SPOPL: variants seen among roughly 807,000 people sequenced by gnomAD.
SPOPL encodes speckle type BTB/POZ protein like.
In SPOPL, 23 loss-of-function variants were observed where a neutral mutation model predicts 53.8. The ratio of observed to expected loss-of-function variants is 0.43; its 90% CI spans 0.31 to 0.61. The LOEUF is 0.61. SPOPL is among the 20% of genes least tolerant of loss of function. The pLI is 0.12. For synonymous variants in SPOPL, 164 were observed against 149.7 expected (o/e 1.10, Z -0.70); for missense variants, 442 against 466.9 (o/e 0.95, Z 0.49).
At chr2:138,520,702 A>G (rs1684537496) in intron 1 of SPOPL, among the ~76,000 whole-genome samples, 1 of 152,164 alleles carries the variant, frequency 6.6e-6, no homozygotes, top group Non-Finnish European at 1.5e-5. Context: ...AGAGTGAACA[A>G]ATGAATGAAT....
chr2:138,534,584 G>A (rs1253849103), intron 1 of SPOPL, among the ~76,000 whole-genome samples: 1 of 152,064 alleles, frequency 6.6e-6, no homozygotes, highest in Non-Finnish European at 1.5e-5. Flanking sequence ...TCTATGTGCA[G>A]GTATTTTTTT....
Position 138,552,693 on chromosome 2 carries a change from T to G in SPOPL, c.480+12T>G. 1 of 1,606,298 alleles carries G rather than the reference T, an allele frequency of 6.2e-7. No individual in the cohort carries two copies. The highest frequency in any genetic ancestry group is 8.5e-7 in the Non-Finnish European group (1 of 1,177,244). Reference sequence around the variant, plus strand: ...CATTATTTTGTGAGGTGGGTACATCTTTTATTCTAAGAACCCCATGGTTTA... The same window carrying G: ...CATTATTTTGTGAGGTGGGTACATCGTTTATTCTAAGAACCCCATGGTTTA... On this transcript the variant is annotated intron_variant, in intron 5 of 10. Transcript: ENST00000280098.
chr2:138,527,283 GT>G (rs536279873), intron 1 of SPOPL, among the ~76,000 whole-genome samples: 65 of 152,048 alleles, frequency 4.3e-4, no homozygotes, highest in Admixed American at 2.7e-3. Context: ...ATAATCTTGT[GT>G]TTTTCTCTTT....
In SPOPL at chr2:138,570,896, C is replaced by A. The variant is rs1685766259; in HGVS notation, c.*1816C>A. On this transcript the variant is annotated 3_prime_UTR_variant, in exon 11 of 11. Transcript: ENST00000280098. Reference sequence around the variant, plus strand: ...AAAAGATCGTATTTTCACCTGTCTTCATTACTTTCTATGTAGTTTCATTCT... The same window carrying A: ...AAAAGATCGTATTTTCACCTGTCTTAATTACTTTCTATGTAGTTTCATTCT... 1 of 152,084 alleles carries A rather than the reference C, an allele frequency of 6.6e-6. No individual in the cohort carries two copies. Among genetic ancestry groups the A allele is most frequent in the South Asian group, 2.1e-4 (1 of 4,834 alleles). The allele number at this position is 152,084 out of a possible 1,614,324, so 9.4% of individuals were successfully genotyped here.
chr2:138,545,235 C>A (rs1685167999), intron 1 of SPOPL, among the ~76,000 whole-genome samples: 1 of 152,066 alleles, frequency 6.6e-6, no homozygotes, highest in Non-Finnish European at 1.5e-5. Flanking sequence ...TCTTTGGTAC[C>A]AGCACCGTAT....
intron 1 of SPOPL, among the ~76,000 whole-genome samples, chr2:138,515,088 T>C (rs1684410559): frequency 2.0e-5 from 3 of 152,180 alleles, no homozygotes; most frequent in Non-Finnish European, 4.4e-5. Flanking sequence ...ATGCAGAATA[T>C]ACAACAAATT....
At chr2:138,560,979 A>G in intron 8 of SPOPL, 52 bp downstream of exon 8, 2 of 1,570,092 alleles carry the variant, frequency 1.3e-6, no homozygotes, top group Non-Finnish European at 1.7e-6. Flanking sequence ...CTTGATTTAT[A>G]TAGAAAGCTG....
chr2:138,563,586 C>G (rs1685597542), intron 8 of SPOPL, among the ~76,000 whole-genome samples: 1 of 152,142 alleles, frequency 6.6e-6, no homozygotes, highest in African/African-American at 2.4e-5. Flanking sequence ...GTACAAAGAC[C>G]ATACTAAGTG....
At chr2:138,550,709 T>C in intron 3 of SPOPL, 105 bp downstream of exon 3, 1 of 1,476,220 alleles carries the variant, frequency 6.8e-7, no homozygotes, top group Non-Finnish European at 9.1e-7. Context: ...TAATGTAATT[T>C]CATATTAGAT....
chr2:138,532,476 G>C (rs558321803), intron 1 of SPOPL, among the ~76,000 whole-genome samples: 66 of 129,646 alleles, frequency 5.1e-4, no homozygotes, highest in African/African-American at 1.8e-3. Flanking sequence ...GCTCAGGCTA[G>C]AGTGCAGTGG....
chr2:138,524,846 C>T (rs1202306308), intron 1 of SPOPL, among the ~76,000 whole-genome samples: 1 of 152,218 alleles, frequency 6.6e-6, no homozygotes, highest in Non-Finnish European at 1.5e-5. Context: ...TAGGGAATTC[C>T]AAACTCCCTA....
intron 1 of SPOPL, among the ~76,000 whole-genome samples, chr2:138,535,984 AT>A (rs1402163862): frequency 6.6e-6 from 1 of 152,154 alleles, no homozygotes; most frequent in Non-Finnish European, 1.5e-5. Flanking sequence ...TTTAAAAAAA[AT>A]AACCTTTACC....
intron 1 of SPOPL, among the ~76,000 whole-genome samples, chr2:138,517,876 A>G (rs1319658014): frequency 6.6e-6 from 1 of 151,886 alleles, no homozygotes. Context: ...GTGCAAAAAT[A>G]CAAAATACTA....
chr2:138,544,581 A>G (rs1486024801), intron 1 of SPOPL, among the ~76,000 whole-genome samples: 1 of 152,154 alleles, frequency 6.6e-6, no homozygotes, highest in Non-Finnish European at 1.5e-5. Context: ...AGACCATTGG[A>G]AAAGCACAGT....
rs1685362170 is a variant in SPOPL at position 138,553,716 on chromosome 2, A to T, written c.480+1035A>T. 2.6e-5 allele frequency among the ~76,000 whole-genome samples: 4 copies of T among 152,136 alleles called. No individual in the cohort carries two copies. The South Asian group carries it at 8.3e-4, about 31-fold the overall frequency. ...TTGCATCTTATTTTTTACTTAGACA[A>T]GTTAAATGAACTGTATGATGAATTT... On this transcript the variant is annotated intron_variant, in intron 5 of 10. Coordinates refer to ENST00000280098, the MANE Select transcript of SPOPL (RefSeq NM_001001664.3).
At chr2:138,544,343 G>C (rs1461854640) in intron 1 of SPOPL, among the ~76,000 whole-genome samples, 2 of 152,228 alleles carry the variant, frequency 1.3e-5, no homozygotes, top group African/African-American at 4.8e-5. Context: ...GGAGTCTACA[G>C]AGGCAAACAG....
chr2:138,525,665 A>AAAAAACAAC (rs1553468809), intron 1 of SPOPL, among the ~76,000 whole-genome samples: 2 of 115,248 alleles, frequency 1.7e-5, no homozygotes, highest in African/African-American at 7.6e-5. Flanking sequence ...AGAAAAAAAA[A>AAAAAACAAC]AAAAAAAAAT....
At chr2:138,555,708 T>G (rs1685409617) in intron 5 of SPOPL, among the ~76,000 whole-genome samples, 1 of 152,190 alleles carries the variant, frequency 6.6e-6, no homozygotes, top group Non-Finnish European at 1.5e-5. Flanking sequence ...TAGCTCTACA[T>G]TAGAAGAGAC....
chr2:138,554,409 C>T (rs775179600), intron 5 of SPOPL: 2 of 1,190,442 alleles, frequency 1.7e-6, no homozygotes, highest in African/African-American at 3.1e-5. Context: ...GTTTGTTCCA[C>T]CCCGCTCACG....
Sources: gnomAD v4.1 joint callset for allele counts (sites outside exome capture counted in the v4.1 genomes callset) on GRCh38, gnomAD v4.1.1 for gene constraint, MANE v1.5 for transcripts, NCBI Gene and HGNC (gene_info 2026-07-23, HGNC 2026-07-21) for gene names.